Variants in MAST4 observed in about 807,000 individuals in gnomAD.
MAST4 encodes microtubule-associated serine/threonine-protein kinase 4.
In MAST4, 89 loss-of-function variants were observed where a neutral mutation model predicts 162.7. The observed-to-expected ratio is 0.55, with a 90% confidence interval of 0.46 to 0.65. The LOEUF (loss-of-function observed/expected upper bound fraction) is 0.65, where lower values mean the gene tolerates loss of function less well. Among genes scored for constraint, MAST4 ranks in the 30% least tolerant of loss-of-function variants. The pLI is 0.00. For synonymous variants in MAST4, 1,479 were observed against 1,361.1 expected (o/e 1.09, Z -1.91); for missense variants, 3,153 against 3,374.0 (o/e 0.93, Z 1.62).
intron 2 of MAST4, among the ~76,000 whole-genome samples, chr5:66,769,212 G>C (rs1754250534): frequency 6.6e-6 from 1 of 152,150 alleles, no homozygotes; most frequent in Non-Finnish European, 1.5e-5. Flanking sequence ...GCCTGGTCAA[G>C]GGTCATTCAT....
At chr5:67,106,161 T>C (rs1005461884) in intron 10 of MAST4, among the ~76,000 whole-genome samples, 39 of 152,168 alleles carry the variant, frequency 2.6e-4, no homozygotes, top group African/African-American at 9.2e-4. Context: ...ATCTCATCTT[T>C]AGTCTACTCC....
chr5:67,109,831 C>T (rs1393433393), intron 10 of MAST4, among the ~76,000 whole-genome samples: 13 of 152,168 alleles, frequency 8.5e-5, no homozygotes, highest in Admixed American at 7.9e-4. Context: ...TCATGGTTCA[C>T]ATCAAGCGCC....
At chr5:66,750,637 A>G (rs1753084563) in intron 1 of MAST4, among the ~76,000 whole-genome samples, 1 of 152,220 alleles carries the variant, frequency 6.6e-6, no homozygotes, top group South Asian at 2.1e-4. Flanking sequence ...CCTGGCTCTG[A>G]GGGTCCTACG....
At chr5:67,119,602 G>A (rs1767335190) in intron 13 of MAST4, among the ~76,000 whole-genome samples, 2 of 152,160 alleles carry the variant, frequency 1.3e-5, no homozygotes, top group African/African-American at 4.8e-5. Context: ...TATGTAAAAC[G>A]GTTGGGACAG....
chr5:66,940,941 A>C (rs1279048136), intron 4 of MAST4, among the ~76,000 whole-genome samples: 1 of 152,158 alleles, frequency 6.6e-6, no homozygotes, highest in Non-Finnish European at 1.5e-5. Context: ...AACAATATCA[A>C]TTTCTTTGTA....
intron 3 of MAST4, among the ~76,000 whole-genome samples, chr5:66,852,358 T>C (rs1422084751): frequency 6.6e-6 from 1 of 152,076 alleles, no homozygotes; most frequent in Admixed American, 6.6e-5. Flanking sequence ...TTGCCCAGGG[T>C]GGTCTCAAAC....
intron 8 of MAST4, among the ~76,000 whole-genome samples, chr5:67,101,654 A>G (rs1178787771): frequency 6.6e-6 from 1 of 152,132 alleles, no homozygotes; most frequent in East Asian, 1.9e-4. Flanking sequence ...ATGAGAAGCA[A>G]TTTCCCTTTG....
chr5:66,665,152 C>T (rs1747167677), intron 1 of MAST4, among the ~76,000 whole-genome samples: 1 of 152,164 alleles, frequency 6.6e-6, no homozygotes, highest in South Asian at 2.1e-4. Context: ...AGAATATTTT[C>T]GAAGAGTTTT....
At chr5:67,161,874 G>A (rs774802088) in intron 27 of MAST4, among the ~76,000 whole-genome samples, 77 of 152,156 alleles carry the variant, frequency 5.1e-4, no homozygotes, top group Admixed American at 1.2e-3. Flanking sequence ...AAGCTTATGT[G>A]GAGTGGGTTA....
chr5:66,733,284 TCTAA>T (rs1157979409), intron 1 of MAST4, among the ~76,000 whole-genome samples: 15 of 152,066 alleles, frequency 9.9e-5, no homozygotes, highest in Non-Finnish European at 1.9e-4. Context: ...TCCCGCTCCC[TCTAA>T]CTTTCTCCGT....
rs758853025 is a variant in MAST4, at chr5:67,165,830, A to AAGTGTC, written c.6652_6657dup (p.Ser2218_Val2219dup). On this transcript the variant is annotated inframe_insertion, in exon 29 of 29. Transcript: ENST00000403625. ...ACCGGTCCCTCTCCTCTCAGAAACC[A>AAGTGTC]AGTGTCGGGGCCACAAAGGGCAAAG... 3.7e-6 allele frequency: 6 copies of AAGTGTC among 1,612,988 alleles called. No homozygotes were observed. The highest frequency in any genetic ancestry group is 5.1e-6 in the Non-Finnish European group (6 of 1,179,814).
intron 3 of MAST4, among the ~76,000 whole-genome samples, chr5:66,815,659 T>C (rs936783413): frequency 6.6e-6 from 1 of 152,176 alleles, no homozygotes; most frequent in Non-Finnish European, 1.5e-5. Context: ...TTTATTTTAT[T>C]TTTCCCCCTA....
chr5:66,743,216 T>C (rs1358439725), intron 1 of MAST4, among the ~76,000 whole-genome samples: 2 of 152,204 alleles, frequency 1.3e-5, no homozygotes, highest in East Asian at 1.9e-4. Flanking sequence ...TTCTTTTGTT[T>C]TTCTCATTGC....
rs202206087 is a variant in MAST4 at position 66,753,831 on chromosome 5, A to T, written c.364-5878A>T. On this transcript the variant is annotated intron_variant, in intron 1 of 28. Coordinates refer to ENST00000403625, the MANE Select transcript of MAST4 (RefSeq NM_001164664.2). The stretch of plus-strand genomic sequence containing the variant: ...CCAGCATCATCCTGATACCAAAGCC[A>T]GGCAGAGACACAACCAAAAAAGAGA... Among the ~76,000 whole-genome samples the T allele has an allele frequency of 3.3e-5, 5 of 150,574 alleles. No individual in the cohort carries two copies. In the East Asian group the frequency reaches 9.7e-4, roughly 29 times the overall value.
rs565499657 is a variant in MAST4 at position 67,147,696 on chromosome 5, A to G, written c.3095-1693A>G. Among the ~76,000 whole-genome samples, 194 of 152,354 alleles carry G rather than the reference A, an allele frequency of 1.3e-3. 1 individual carries two copies. Among genetic ancestry groups the G allele is most frequent in the African/African-American group, 4.4e-3 (184 of 41,588 alleles). ...AAGAAGGAAGTGTGTACCTTACTCA[A>G]TGGGAAGCTTAAGTTTTGTGAGATG... On this transcript the variant is annotated intron_variant, in intron 23 of 28. Transcript: ENST00000403625.
chr5:66,862,349 AT>A (rs1276025166), intron 3 of MAST4, among the ~76,000 whole-genome samples: 1 of 152,168 alleles, frequency 6.6e-6, no homozygotes, highest in East Asian at 1.9e-4. Flanking sequence ...ATATCATTAG[AT>A]TTTTTTCTAA....
chr5:66,768,483 A>T (rs1346698834), intron 2 of MAST4, among the ~76,000 whole-genome samples: 5 of 152,238 alleles, frequency 3.3e-5, no homozygotes, highest in Admixed American at 3.3e-4. Context: ...TGATACATGC[A>T]GCAATCTGGA....
chr5:66,899,265 T>C (rs1276555145), intron 3 of MAST4, among the ~76,000 whole-genome samples: 1 of 152,200 alleles, frequency 6.6e-6, no homozygotes, highest in Non-Finnish European at 1.5e-5. Flanking sequence ...CCACAGCCTC[T>C]TGATGATTAG....
chr5:66,708,172 T>C (rs1289351289), intron 1 of MAST4, among the ~76,000 whole-genome samples: 1 of 152,200 alleles, frequency 6.6e-6, no homozygotes, highest in Non-Finnish European at 1.5e-5. Context: ...GTGGCCTCTG[T>C]GTCTTGCTTG....
Sources: gnomAD v4.1 joint callset for allele counts (sites outside exome capture counted in the v4.1 genomes callset) on GRCh38, gnomAD v4.1.1 for gene constraint, MANE v1.5 for transcripts, NCBI Gene and HGNC (gene_info 2026-07-23, HGNC 2026-07-21) for gene names.